Variants in OPCML observed in about 807,000 individuals in gnomAD.
The protein encoded by OPCML is opioid binding protein/cell adhesion molecule like.
A neutral mutation model predicts 37.8 loss-of-function variants in OPCML; 13 were observed. The ratio of observed to expected loss-of-function variants is 0.34; its 90% confidence interval spans 0.22 to 0.55. The LOEUF (loss-of-function observed/expected upper bound fraction) is 0.55. Ranked by LOEUF, OPCML falls within the 20% of genes least tolerant of loss-of-function variation. The pLI is 0.91. For missense variants in OPCML, 341 were observed against 435.6 expected, an observed-to-expected ratio of 0.78 and a Z score of 1.93; for synonymous variants, 176 against 168.8, an observed-to-expected ratio of 1.04 and a Z score of -0.33.
intron 2 of OPCML, among the ~76,000 whole-genome samples, chr11:132,687,421 T>C (rs546509002): frequency 5.1e-5 from 4 of 78,808 alleles, no homozygotes; most frequent in Non-Finnish European, 9.5e-5. Context: ...TATATATATA[T>C]ATATATATTT....
intron 1 of OPCML, chr11:133,005,100 GA>G (rs2136858882): frequency 1.0e-6 from 1 of 985,344 alleles, no homozygotes; most frequent in South Asian, 4.7e-5. Context: ...GGCTTCCCAT[GA>G]AGTTTAGAAT....
intron 3 of OPCML, among the ~76,000 whole-genome samples, chr11:132,558,125 C>T (rs2096400125): frequency 6.6e-6 from 1 of 152,050 alleles, no homozygotes; most frequent in African/African-American, 2.4e-5. Context: ...TTCTCCCTTT[C>T]CTATATTTAG....
intron 3 of OPCML, among the ~76,000 whole-genome samples, chr11:132,609,392 C>T (rs1938499149): frequency 6.6e-6 from 1 of 152,192 alleles, no homozygotes; most frequent in Non-Finnish European, 1.5e-5. Context: ...CACCAGGCCT[C>T]ACTGCCTCAT....
intron 1 of OPCML, chr11:133,418,356 A>G (rs1012486222): frequency 1.0e-6 from 1 of 985,418 alleles, no homozygotes; most frequent in Non-Finnish European, 1.2e-6. Flanking sequence ...AATAGGGGTA[A>G]AAAAATTCAA....
At chr11:133,437,428 A>G (rs1345468666) in intron 1 of OPCML, among the ~76,000 whole-genome samples, 4 of 152,114 alleles carry the variant, frequency 2.6e-5, no homozygotes, top group Non-Finnish European at 4.4e-5. Flanking sequence ...CTTCAGCATC[A>G]TGTGCACTTG....
chr11:132,632,980 A>T (rs1422404944), intron 3 of OPCML, among the ~76,000 whole-genome samples: 2 of 151,554 alleles, frequency 1.3e-5, no homozygotes, highest in Non-Finnish European at 2.9e-5. Context: ...AGGATGACGA[A>T]TTTATTCCCT....
At chr11:133,116,161 G>T (rs1414868503) in intron 1 of OPCML, among the ~76,000 whole-genome samples, 1 of 152,022 alleles carries the variant, frequency 6.6e-6, no homozygotes, top group East Asian at 1.9e-4. Flanking sequence ...TAGAGACAGG[G>T]TTTCACCCTC....
At chr11:133,368,964 G>A (rs930672359) in intron 1 of OPCML, among the ~76,000 whole-genome samples, 11 of 152,234 alleles carry the variant, frequency 7.2e-5, no homozygotes, top group African/African-American at 1.4e-4. Flanking sequence ...ATTTAAAACC[G>A]TTATAAGAAG....
intron 3 of OPCML, among the ~76,000 whole-genome samples, chr11:132,604,898 G>A (rs1184896321): frequency 6.6e-6 from 1 of 152,152 alleles, no homozygotes; most frequent in Non-Finnish European, 1.5e-5. Context: ...CAGATGCTGT[G>A]GAGGCTTAAA....
At chr11:133,039,523 C>G (rs1347412700) in intron 1 of OPCML, among the ~76,000 whole-genome samples, 1 of 151,992 alleles carries the variant, frequency 6.6e-6, no homozygotes, top group East Asian at 1.9e-4. Context: ...GAGTGTATAC[C>G]CATTGGATGG....
chr11:133,195,290 T>C (rs1401813948), intron 1 of OPCML, among the ~76,000 whole-genome samples: 1 of 152,120 alleles, frequency 6.6e-6, no homozygotes, highest in Non-Finnish European at 1.5e-5. Flanking sequence ...TCCATAGAAG[T>C]CTCCTCCTGT....
In OPCML at chr11:133,258,126, T is replaced by G. The variant is rs550748449; in HGVS notation, c.61+274138A>C. Among the ~76,000 whole-genome samples the G allele has an allele frequency of 7.6e-4, 115 of 152,280 alleles. 1 individual carries two copies. The highest frequency in any genetic ancestry group is 3.4e-3 in the Middle Eastern group (1 of 294). ...AGTGACATGTCCTGGACCTTCTCCC[T>G]GGGGTCCCCTTGCCTTAGCTTATGC... On this transcript the variant is annotated intron_variant, in intron 1 of 7. Coordinates refer to ENST00000524381, the MANE Select transcript of OPCML (RefSeq NM_001012393.5).
At chr11:132,861,744 G>C (rs1278268341) in intron 2 of OPCML, among the ~76,000 whole-genome samples, 1 of 151,804 alleles carries the variant, frequency 6.6e-6, no homozygotes, top group Non-Finnish European at 1.5e-5. Context: ...CTGAGGCAGG[G>C]GAATCGCTTG....
At chr11:133,320,925 G>T (rs1354107728) in intron 1 of OPCML, among the ~76,000 whole-genome samples, 1 of 152,132 alleles carries the variant, frequency 6.6e-6, no homozygotes, top group Non-Finnish European at 1.5e-5. Context: ...CTGAGGATGT[G>T]GTCTTATCAG....
chr11:132,954,477 GA>G (rs1436314407), intron 1 of OPCML, among the ~76,000 whole-genome samples: 1 of 152,094 alleles, frequency 6.6e-6, no homozygotes, highest in Non-Finnish European at 1.5e-5. Flanking sequence ...GACTGGGTAT[GA>G]CTGACTGCCA....
chr11:133,375,251 T>C (rs1369052005), intron 1 of OPCML, among the ~76,000 whole-genome samples: 1 of 152,226 alleles, frequency 6.6e-6, no homozygotes. Context: ...CGTATGTAAG[T>C]TTGTATGATT....
intron 1 of OPCML, among the ~76,000 whole-genome samples, chr11:132,975,495 T>G (rs1946438669): frequency 8.4e-6 from 1 of 119,226 alleles, no homozygotes; most frequent in Non-Finnish European, 1.6e-5. Flanking sequence ...TTTACCCAAC[T>G]TCTCCAGCCT....
chr11:132,485,852 T>A (rs982017793), intron 4 of OPCML, among the ~76,000 whole-genome samples: 2 of 152,192 alleles, frequency 1.3e-5, no homozygotes, highest in African/African-American at 4.8e-5. Context: ...AATAAAACAT[T>A]CTTGTACAAA....
At chr11:132,793,371 T>G (rs1402612910) in intron 2 of OPCML, among the ~76,000 whole-genome samples, 1 of 152,160 alleles carries the variant, frequency 6.6e-6, no homozygotes, top group East Asian at 1.9e-4. Context: ...ATGCATATAT[T>G]TTATTGCCCA....
Sources: gnomAD v4.1 joint callset for allele counts (sites outside exome capture counted in the v4.1 genomes callset) on GRCh38, gnomAD v4.1.1 for gene constraint, MANE v1.5 for transcripts, NCBI Gene and HGNC (gene_info 2026-07-23, HGNC 2026-07-21) for gene names.